The following NR2F1-AS1 variants were observed in gnomAD, a reference collection of about 807,000 sequenced individuals.
NR2F1-AS1 encodes the protein NR2F1 regulatory antisense RNA 1.
chr5:93,520,585 C>T (rs896841410), intron 4 of NR2F1-AS1, among the ~76,000 whole-genome samples: 6 of 152,100 alleles, frequency 3.9e-5, no homozygotes, highest in Admixed American at 2.6e-4. Flanking sequence ...GATTTTCAAC[C>T]TATAAACTCC....
intron 4 of NR2F1-AS1, among the ~76,000 whole-genome samples, chr5:93,553,128 T>A (rs1476379146): frequency 6.0e-5 from 8 of 132,332 alleles, no homozygotes; most frequent in African/African-American, 2.5e-4. Flanking sequence ...GTAATACACT[T>A]TTTTTTTTTT....
At chr5:93,511,883 A>G (rs935037724) in intron 4 of NR2F1-AS1, among the ~76,000 whole-genome samples, 11 of 152,154 alleles carry the variant, frequency 7.2e-5, no homozygotes, top group Non-Finnish European at 8.8e-5. Context: ...TCTCAAAACC[A>G]TGCCCCATCA....
intron 4 of NR2F1-AS1, among the ~76,000 whole-genome samples, chr5:93,533,622 A>G (rs902353409): frequency 1.3e-5 from 2 of 152,192 alleles, no homozygotes; most frequent in African/African-American, 2.4e-5. Context: ...TGATGATGAT[A>G]GGTAACATTT....
At chr5:93,413,063 GGTGTGTGTGTGTGTGTGTGTGT>G (rs71613591) in intron 4 of NR2F1-AS1, among the ~76,000 whole-genome samples, 2 of 139,194 alleles carry the variant, frequency 1.4e-5, no homozygotes, top group African/African-American at 2.7e-5. Flanking sequence ...ATAGCACTAT[GGTGTGTGTGTGTGTGTGTGTGT>G]GTGTGTGTGT....
chr5:93,502,425 G>A (rs1751100535), intron 4 of NR2F1-AS1, among the ~76,000 whole-genome samples: 1 of 152,118 alleles, frequency 6.6e-6, no homozygotes, highest in South Asian at 2.1e-4. Context: ...AAAGTTACAA[G>A]AGTATATGCA....
intron 4 of NR2F1-AS1, among the ~76,000 whole-genome samples, chr5:93,450,004 T>C (rs534726526): frequency 6.6e-6 from 1 of 152,306 alleles, no homozygotes; most frequent in East Asian, 1.9e-4. Context: ...TGATAGACTA[T>C]TAGGAAGTTC....
chr5:93,580,171 G>C (rs1580351960), intron 1 of NR2F1-AS1, among the ~76,000 whole-genome samples: 1 of 152,224 alleles, frequency 6.6e-6, no homozygotes, highest in East Asian at 1.9e-4. Flanking sequence ...GAGAGAGAGG[G>C]AATAGCGGGT....
At chr5:93,584,510 C>T (rs981751768), upstream of NR2F1-AS1, 1 of 148,978 alleles carries the variant, frequency 6.7e-6, no homozygotes, top group African/African-American at 2.5e-5. Flanking sequence ...GGCCCATGCC[C>T]GCCGCCCCCG....
chr5:93,523,149 T>C (rs1420146790), intron 4 of NR2F1-AS1, among the ~76,000 whole-genome samples: 7 of 152,124 alleles, frequency 4.6e-5, no homozygotes, highest in Non-Finnish European at 1.0e-4. Context: ...CTGGGATGCT[T>C]GAGCTTGGTG....
intron 1 of NR2F1-AS1, among the ~76,000 whole-genome samples, chr5:93,576,441 T>C (rs2149932833): frequency 6.6e-6 from 1 of 152,234 alleles, no homozygotes; most frequent in East Asian, 1.9e-4. Flanking sequence ...TTTTTTTTTT[T>C]TTCATTTAAA....
intron 4 of NR2F1-AS1, among the ~76,000 whole-genome samples, chr5:93,416,110 C>T (rs890110657): frequency 2.0e-5 from 3 of 152,130 alleles, no homozygotes; most frequent in South Asian, 2.1e-4. Context: ...ACATTTCTCA[C>T]CCACACAGCT....
chr5:93,438,489 A>T (rs1749490965), intron 4 of NR2F1-AS1, among the ~76,000 whole-genome samples: 1 of 152,140 alleles, frequency 6.6e-6, no homozygotes. Context: ...AATTTCTCTC[A>T]AACTATCTAT....
chr5:93,559,752 A>T (rs939980558), intron 2 of NR2F1-AS1, among the ~76,000 whole-genome samples: 24 of 152,236 alleles, frequency 1.6e-4, no homozygotes, highest in African/African-American at 5.5e-4. Flanking sequence ...AGCAGTCAGA[A>T]TACACACATT....
chr5:93,508,747 A>G (rs1751236903), intron 4 of NR2F1-AS1, among the ~76,000 whole-genome samples: 1 of 152,144 alleles, frequency 6.6e-6, no homozygotes, highest in Admixed American at 6.5e-5. Context: ...AGAAAAAGGT[A>G]AAAACAAAAG....
chr5:93,540,655 G>C (rs571050286), intron 4 of NR2F1-AS1, among the ~76,000 whole-genome samples: 1 of 152,220 alleles, frequency 6.6e-6, no homozygotes, highest in South Asian at 2.1e-4. Context: ...GGTTTTAGTG[G>C]AGTTGTGCTA....
At chr5:93,421,357 CTTTT>C (rs1032625607) in intron 4 of NR2F1-AS1, among the ~76,000 whole-genome samples, 13 of 147,752 alleles carry the variant, frequency 8.8e-5, no homozygotes, top group African/African-American at 1.3e-4. Flanking sequence ...TAAACAGATT[CTTTT>C]GAGTTAAAAA....
chr5:93,461,875 C>T (rs1332639696), intron 4 of NR2F1-AS1, among the ~76,000 whole-genome samples: 1 of 151,936 alleles, frequency 6.6e-6, no homozygotes, highest in African/African-American at 2.4e-5. Context: ...TTTCAGTTTC[C>T]CAAACCCATT....
chr5:93,465,688 T>A (rs1750213902), intron 4 of NR2F1-AS1, among the ~76,000 whole-genome samples: 1 of 152,180 alleles, frequency 6.6e-6, no homozygotes, highest in Middle Eastern at 3.4e-3. Context: ...ATGCCATCAA[T>A]GATAGACTGG....
chr5:93,482,122 G>C (rs1378872429), intron 4 of NR2F1-AS1, among the ~76,000 whole-genome samples: 1 of 152,120 alleles, frequency 6.6e-6, no homozygotes, highest in African/African-American at 2.4e-5. Flanking sequence ...ATGGTTTGTT[G>C]ATAAAAATCA....
Sources: gnomAD v4.1 joint callset for allele counts (sites outside exome capture counted in the v4.1 genomes callset) on GRCh38, gnomAD v4.1.1 for gene constraint, MANE v1.5 for transcripts, NCBI Gene and HGNC (gene_info 2026-07-23, HGNC 2026-07-21) for gene names.